The following PTPN13 variants were observed in gnomAD, a reference collection of about 807,000 sequenced individuals.
The protein encoded by PTPN13 is tyrosine-protein phosphatase non-receptor type 13.
A neutral mutation model predicts 284.0 loss-of-function variants in PTPN13; 191 were observed. That is an observed-to-expected ratio of 0.67 (90% CI 0.60 to 0.76). The LOEUF (loss-of-function observed/expected upper bound fraction) is 0.76. Ranked by LOEUF, PTPN13 falls within the 30% of genes least tolerant of loss-of-function variation. The probability of loss-of-function intolerance (pLI) is 0.00; values close to 1 mark genes in which losing one functional copy is unlikely to be tolerated. For missense variants in PTPN13, 2,797 were observed against 2,939.9 expected, an observed-to-expected ratio of 0.95 and a Z score of 1.12; for synonymous variants, 986 against 1,022.3, an observed-to-expected ratio of 0.96 and a Z score of 0.68.
chr4:86,657,191 C>T (rs1174907614), intron 2 of PTPN13, among the ~76,000 whole-genome samples: 4 of 152,338 alleles, frequency 2.6e-5, no homozygotes, highest in Admixed American at 6.5e-5. Flanking sequence ...GGTGATGCCT[C>T]GTCCTGCTTC....
At chr4:86,765,609 T>C (rs1331479024) in intron 26 of PTPN13, 121 bp downstream of exon 26, 1 of 665,602 alleles carries the variant, frequency 1.5e-6, no homozygotes, top group Admixed American at 3.2e-5. Context: ...TACTCAATTA[T>C]AAAACTGTAG....
Position 86,767,798 on chromosome 4 carries a change from T to C in PTPN13, c.4330-19T>C. 6.0e-6 allele frequency: 9 copies of C among 1,504,090 alleles called. No individual in the cohort carries two copies. The highest frequency in any genetic ancestry group is 8.1e-6 in the Non-Finnish European group (9 of 1,113,680). 93.2% of individuals were successfully genotyped at this position (1,504,090 alleles called of 1,614,324 possible). A position where few individuals can be genotyped will look rare whatever the true frequency, so the allele number is the denominator to read the frequency against. Reference sequence around the variant, plus strand: ...TTAGCATTCTTCTTAATTAATGAAATGCTATTTTACTTATCCAGGTGGTTC... The same window carrying C: ...TTAGCATTCTTCTTAATTAATGAAACGCTATTTTACTTATCCAGGTGGTTC... On this transcript the variant is annotated intron_variant, in intron 27 of 47. Coordinates refer to ENST00000411767, the MANE Select transcript of PTPN13 (RefSeq NM_080683.3).
chr4:86,709,539 T>C (rs1375159661), intron 7 of PTPN13, among the ~76,000 whole-genome samples: 1 of 152,228 alleles, frequency 6.6e-6, no homozygotes, highest in Non-Finnish European at 1.5e-5. Context: ...TGGCAAGTTA[T>C]AGTGAGGACA....
chr4:86,617,974 G>A (rs943846660), intron 1 of PTPN13, among the ~76,000 whole-genome samples: 1 of 151,904 alleles, frequency 6.6e-6, no homozygotes, highest in Non-Finnish European at 1.5e-5. Context: ...CATTGCTTTT[G>A]GTGTTTTAGA....
chr4:86,601,870 G>C (rs1474368320), intron 1 of PTPN13, among the ~76,000 whole-genome samples: 1 of 152,022 alleles, frequency 6.6e-6, no homozygotes, highest in Non-Finnish European at 1.5e-5. Flanking sequence ...CTTTTTAATT[G>C]TTCCTTATTC....
intron 2 of PTPN13, among the ~76,000 whole-genome samples, chr4:86,639,698 A>G (rs1302651562): frequency 2.0e-5 from 3 of 151,900 alleles, no homozygotes; most frequent in Non-Finnish European, 4.4e-5. Context: ...GGGAAGGGGG[A>G]AGGATAGCAT....
chr4:86,623,372 A>G (rs1245724796), intron 1 of PTPN13, among the ~76,000 whole-genome samples: 8 of 152,144 alleles, frequency 5.3e-5, no homozygotes, highest in Admixed American at 2.0e-4. Flanking sequence ...TCAGACTCAC[A>G]TACTAATCTC....
chr4:86,601,502 T>C (rs1031181763), intron 1 of PTPN13, among the ~76,000 whole-genome samples: 1 of 152,122 alleles, frequency 6.6e-6, no homozygotes, highest in Non-Finnish European at 1.5e-5. Flanking sequence ...TTCTCTAATA[T>C]TAAAACTTAA....
At chr4:86,732,051 A>G (rs1156774746) in intron 10 of PTPN13, among the ~76,000 whole-genome samples, 1 of 152,230 alleles carries the variant, frequency 6.6e-6, no homozygotes, top group African/African-American at 2.4e-5. Context: ...ATAACTCTAT[A>G]TTACTTCTTC....
At chr4:86,685,602 A>T (rs544775211) in intron 3 of PTPN13, among the ~76,000 whole-genome samples, 2 of 152,312 alleles carry the variant, frequency 1.3e-5, no homozygotes, top group South Asian at 4.1e-4. Flanking sequence ...ACAGAGAGAG[A>T]TCCTATCAAA....
intron 2 of PTPN13, among the ~76,000 whole-genome samples, chr4:86,654,052 G>A (rs1725442337): frequency 6.6e-6 from 1 of 152,034 alleles, no homozygotes; most frequent in South Asian, 2.1e-4. Context: ...AGCACTAAAT[G>A]CCCACAAGAG....
intron 9 of PTPN13, 134 bp downstream of exon 9, chr4:86,717,251 C>G (rs995239682): frequency 4.8e-5 from 29 of 601,084 alleles, no homozygotes; most frequent in Non-Finnish European, 8.6e-6. Flanking sequence ...TGCAGTGGCG[C>G]AATCTCGGCT....
intron 2 of PTPN13, among the ~76,000 whole-genome samples, chr4:86,668,187 G>A (rs567230217): frequency 7.9e-5 from 12 of 152,246 alleles, no homozygotes; most frequent in African/African-American, 2.9e-4. Flanking sequence ...TTTCATAATA[G>A]CATTCTTGAA....
At chr4:86,677,914 T>G (rs1418349659) in intron 3 of PTPN13, among the ~76,000 whole-genome samples, 1 of 152,158 alleles carries the variant, frequency 6.6e-6, no homozygotes, top group East Asian at 1.9e-4. Flanking sequence ...GAGAGAGTAC[T>G]TAGGGCACCA....
At chr4:86,719,012 T>C (rs1380402386) in intron 9 of PTPN13, among the ~76,000 whole-genome samples, 1 of 152,142 alleles carries the variant, frequency 6.6e-6, no homozygotes, top group Non-Finnish European at 1.5e-5. Context: ...GGTTTGGGGG[T>C]ACATGTGAAG....
intron 1 of PTPN13, among the ~76,000 whole-genome samples, chr4:86,596,235 T>G (rs752551687): frequency 6.6e-6 from 1 of 152,222 alleles, no homozygotes; most frequent in Non-Finnish European, 1.5e-5. Context: ...GATTTCATAG[T>G]GTTTTTCACT....
chr4:86,708,606 G>A (rs953069746), intron 7 of PTPN13, among the ~76,000 whole-genome samples: 3 of 151,994 alleles, frequency 2.0e-5, no homozygotes, highest in African/African-American at 7.2e-5. Flanking sequence ...CTCTAAGGAC[G>A]GATTGATATG....
At chr4:86,767,246 T>C (rs532974334) in intron 27 of PTPN13, among the ~76,000 whole-genome samples, 3 of 148,918 alleles carry the variant, frequency 2.0e-5, no homozygotes, top group Middle Eastern at 7.0e-3. Context: ...ACCTGGCTTT[T>C]TTTTTTTTTT....
In PTPN13 at chr4:86,741,780, C is replaced by T. The variant is rs777269255; in HGVS notation, c.2451C>T (p.Arg817=). Reference sequence around the variant, plus strand: ...ATGGAGTGCGCACATTGGTCCTTCGCTTTCCATGGAGGGAAACCAAGAAAA... The same window carrying T: ...ATGGAGTGCGCACATTGGTCCTTCGTTTTCCATGGAGGGAAACCAAGAAAA... ...VHNGVRTLVL[R]FPWRETKKIS... is the part of the protein sequence containing the mutation. Residue 817 remains arginine, a synonymous_variant, in exon 16 of 48, where the codon CGC becomes CGT. Transcript: ENST00000411767. 8.7e-6 allele frequency: 14 copies of T among 1,611,056 alleles called. No individual in the cohort carries two copies. The highest frequency in any genetic ancestry group is 1.3e-5 in the African/African-American group (1 of 74,922).
Sources: gnomAD v4.1 joint callset for allele counts (sites outside exome capture counted in the v4.1 genomes callset) on GRCh38, gnomAD v4.1.1 for gene constraint, MANE v1.5 for transcripts, NCBI Gene and HGNC (gene_info 2026-07-23, HGNC 2026-07-21) for gene names.